Variants in GPC3 observed in about 807,000 individuals in gnomAD.
GPC3 encodes the protein glypican-3.
GPC3 carries 3 observed loss-of-function variants against 34.4 expected under a neutral mutation model. The observed-to-expected ratio is 0.09, with a 90% confidence interval of 0.04 to 0.23. GPC3 has a LOEUF of 0.23. GPC3 is among the 10% of genes least tolerant of loss of function. The probability of loss-of-function intolerance (pLI) is 1.00; values close to 1 mark genes in which losing one functional copy is unlikely to be tolerated. For synonymous variants in GPC3, 177 were observed against 174.0 expected (o/e 1.02, Z -0.13); for missense variants, 351 against 445.6 (o/e 0.79, Z 1.91).
At chrX:133,610,618 C>T (rs761021036) in intron 6 of GPC3, among the ~76,000 whole-genome samples, 18 of 106,672 alleles carry the variant, frequency 1.7e-4, no homozygotes, top group Non-Finnish European at 3.1e-4. Context: ...ATATCATGTT[C>T]GTTCAACATA....
At chrX:133,949,182 G>A (rs760387894) in intron 2 of GPC3, among the ~76,000 whole-genome samples, 14 of 112,079 alleles carry the variant, frequency 1.2e-4, no homozygotes, top group African/African-American at 2.9e-4. Flanking sequence ...TGTTTCTTTC[G>A]CTGATCTTAA....
intron 6 of GPC3, among the ~76,000 whole-genome samples, chrX:133,655,907 T>C (rs959072299): frequency 8.9e-6 from 1 of 112,494 alleles, no homozygotes; most frequent in Non-Finnish European, 1.9e-5. Flanking sequence ...ATTTTAACTT[T>C]CTATTTCAAA....
chrX:133,542,733 A>G (rs2069352429), intron 7 of GPC3, among the ~76,000 whole-genome samples: 1 of 111,864 alleles, frequency 8.9e-6, no homozygotes, highest in African/African-American at 3.3e-5. Flanking sequence ...AAACCTCAGG[A>G]CATTGCTTGG....
At chrX:133,648,216 A>G (rs1273422773) in intron 6 of GPC3, among the ~76,000 whole-genome samples, 1 of 111,307 alleles carries the variant, frequency 9.0e-6, no homozygotes, top group Non-Finnish European at 1.9e-5. Flanking sequence ...ACAGCAGTGA[A>G]TGAAGCCCAA....
chrX:133,741,637 G>A, intron 3 of GPC3, among the ~76,000 whole-genome samples: 1 of 112,239 alleles, frequency 8.9e-6, no homozygotes, highest in East Asian at 2.8e-4. Context: ...GCTGGCACCT[G>A]CTTCCAAGTC....
intron 7 of GPC3, among the ~76,000 whole-genome samples, chrX:133,560,981 TAAAG>T (rs1008288632): frequency 4.5e-5 from 5 of 111,211 alleles, no homozygotes; most frequent in African/African-American, 9.8e-5. Context: ...CATTCCTGCT[TAAAG>T]AAAGAAAAGC....
At chrX:133,976,082 TATG>T in intron 1 of GPC3, among the ~76,000 whole-genome samples, 1 of 112,435 alleles carries the variant, frequency 8.9e-6, no homozygotes, top group East Asian at 2.8e-4. Context: ...GTGGTAGCTC[TATG>T]ATATCAGTGA....
chrX:133,890,953 C>T (rs1026449452), intron 2 of GPC3, among the ~76,000 whole-genome samples: 1 of 109,364 alleles, frequency 9.1e-6, no homozygotes, highest in East Asian at 2.8e-4. Context: ...CACTTGAACC[C>T]AAGAGCTCAA....
chrX:133,808,794 A>G (rs1258806643), intron 2 of GPC3, among the ~76,000 whole-genome samples: 2 of 111,495 alleles, frequency 1.8e-5, no homozygotes, highest in African/African-American at 6.5e-5. Flanking sequence ...AACTTTGAAA[A>G]TGTATAATCC....
chrX:133,631,573 T>A (rs1352299587), intron 6 of GPC3, among the ~76,000 whole-genome samples: 3 of 112,116 alleles, frequency 2.7e-5, no homozygotes, highest in Non-Finnish European at 5.6e-5. Flanking sequence ...TGAACATGAG[T>A]GTTCAAATAT....
chrX:133,648,301 C>T (rs2124387430), intron 6 of GPC3, among the ~76,000 whole-genome samples: 1 of 103,557 alleles, frequency 9.7e-6, no homozygotes, highest in Admixed American at 1.1e-4. Flanking sequence ...TGTAGCTCAT[C>T]AGTTATCGTT....
At chrX:133,579,321 C>T (rs1460759431) in intron 7 of GPC3, among the ~76,000 whole-genome samples, 1 of 112,039 alleles carries the variant, frequency 8.9e-6, no homozygotes, top group East Asian at 2.8e-4. Context: ...CCCCCCAAGA[C>T]CCCCAACTAC....
intron 3 of GPC3, among the ~76,000 whole-genome samples, chrX:133,739,189 T>C (rs1159514377): frequency 9.0e-6 from 1 of 111,358 alleles, no homozygotes; most frequent in East Asian, 2.8e-4. Flanking sequence ...TTGGAACATA[T>C]CTCTCTGTGG....
intron 7 of GPC3, among the ~76,000 whole-genome samples, chrX:133,562,830 A>C (rs940645674): frequency 2.7e-5 from 3 of 110,867 alleles, no homozygotes; most frequent in Admixed American, 1.9e-4. Flanking sequence ...TAGGATCTGG[A>C]GGGACCGCAT....
At position 133,953,182 on chromosome X, in the gene GPC3, C is replaced by G; in HGVS notation, c.205G>C (p.Gly69Arg). The G allele has an allele frequency of 8.3e-7, 1 of 1,208,926 alleles. No homozygotes were observed. The highest frequency in any genetic ancestry group is 1.1e-6 in the Non-Finnish European group (1 of 893,800). The change falls in exon 2 of 8, where the codon GGC (glycine) becomes CGC (arginine). Residue 69 changes from glycine to arginine, a missense_variant. Physicochemically the swap from Gly to Arg is moderately radical, Grantham distance 125. Transcript: ENST00000370818. ...ATCTTTCTTGAGCAGCATGTTGGGC[C>G]CTTAGGGAGACATACTTGCAAATCT... ...GSDLQVCLPKGPTCCSRKMEE... is the reference protein window; with the variant it reads ...GSDLQVCLPKRPTCCSRKMEE...
At chrX:133,960,888 C>A (rs1425852019) in intron 1 of GPC3, among the ~76,000 whole-genome samples, 2 of 111,111 alleles carry the variant, frequency 1.8e-5, no homozygotes, top group Non-Finnish European at 3.8e-5. Flanking sequence ...CCAAAAAAAG[C>A]CATAACAGGC....
intron 6 of GPC3, among the ~76,000 whole-genome samples, chrX:133,637,468 T>C (rs1869827595): frequency 9.0e-6 from 1 of 110,709 alleles, no homozygotes; most frequent in South Asian, 3.9e-4. Context: ...AGCAGATGCC[T>C]TAGCCAACCA....
chrX:133,974,034 G>A (rs887775377), intron 1 of GPC3, among the ~76,000 whole-genome samples: 3 of 110,758 alleles, frequency 2.7e-5, no homozygotes, highest in African/African-American at 6.6e-5. Context: ...AACTTTCAGC[G>A]TTTTTTTTGT....
intron 3 of GPC3, among the ~76,000 whole-genome samples, chrX:133,711,808 A>G (rs1211703928): frequency 8.9e-6 from 1 of 111,821 alleles, no homozygotes; most frequent in Non-Finnish European, 1.9e-5. Context: ...AAATACATGC[A>G]TTTTCAGAGT....
Sources: gnomAD v4.1 joint callset for allele counts (sites outside exome capture counted in the v4.1 genomes callset) on GRCh38, gnomAD v4.1.1 for gene constraint, MANE v1.5 for transcripts, NCBI Gene and HGNC (gene_info 2026-07-23, HGNC 2026-07-21) for gene names.